The following EGLN3 variants were observed in gnomAD, a reference collection of about 807,000 sequenced individuals.
EGLN3 encodes the protein prolyl hydroxylase EGLN3.
Under a neutral mutation model 26.0 loss-of-function variants are expected in EGLN3, and 15 were observed. The ratio of observed to expected loss-of-function variants is 0.58; its 90% CI spans 0.39 to 0.89. The LOEUF (loss-of-function observed/expected upper bound fraction) is 0.89. Among genes scored for constraint, EGLN3 ranks in the 40% least tolerant of loss-of-function variants. The pLI is 0.00. For missense variants in EGLN3, 238 were observed against 311.6 expected (o/e 0.76, Z 1.78); for synonymous variants, 147 against 127.2 (o/e 1.16, Z -1.05).
At chr14:33,948,780 T>C (rs559781518) in intron 1 of EGLN3, 3 of 152,298 alleles carry the variant, frequency 2.0e-5, no homozygotes, top group South Asian at 2.1e-4. Context: ...CCTAGAATGA[T>C]GAAGAAAAAC....
chr14:33,947,642 A>T (rs1283710779), intron 1 of EGLN3, among the ~76,000 whole-genome samples: 1 of 152,236 alleles, frequency 6.6e-6, no homozygotes, highest in Non-Finnish European at 1.5e-5. Flanking sequence ...AGCTAAAAAA[A>T]ATTGGTCTAA....
chr14:33,951,063 G>C lies in EGLN3; in HGVS notation c.-311C>G, dbSNP rs1242660594. On this transcript the variant is annotated 5_prime_UTR_variant, in exon 1 of 5. Coordinates refer to ENST00000250457, the MANE Select transcript of EGLN3 (RefSeq NM_022073.4). ...GGGGATGGGAAGCCACCACTGCCGC[G>C]ACTGCGGCCAGACTCCGGGAGACGC... 1 of 331,008 alleles carries C rather than the reference G, an allele frequency of 3.0e-6. No homozygotes were observed. The highest frequency in any genetic ancestry group is 5.4e-5 in the East Asian group (1 of 18,644). 20.5% of individuals were successfully genotyped at this position (331,008 alleles called of 1,614,324 possible).
intron 1 of EGLN3, among the ~76,000 whole-genome samples, chr14:33,944,963 T>C (rs1680689): frequency 0.55 from 84,208 of 152,126 alleles, 23,463 homozygotes; most frequent in Non-Finnish European, 0.58. Flanking sequence ...CTCCTGCCTT[T>C]TTTGTTTCCA....
At chr14:33,937,634 T>G (rs1445616908) in intron 1 of EGLN3, among the ~76,000 whole-genome samples, 1 of 152,184 alleles carries the variant, frequency 6.6e-6, no homozygotes, top group African/African-American at 2.4e-5. Flanking sequence ...AAATTATTCA[T>G]GAAAATGTTT....
chr14:33,949,425 T>G (rs2064540546), intron 1 of EGLN3: 1 of 152,236 alleles, frequency 6.6e-6, no homozygotes. Context: ...CTTCGCTGTT[T>G]CAGTAAAAGT....
intron 1 of EGLN3, among the ~76,000 whole-genome samples, chr14:33,935,958 C>A (rs781476929): frequency 9.9e-5 from 15 of 152,048 alleles, no homozygotes; most frequent in Admixed American, 3.9e-4. Context: ...GGGGGCTGGG[C>A]GCGGTGGCTC....
intron 1 of EGLN3, among the ~76,000 whole-genome samples, chr14:33,943,820 G>A (rs1295503377): frequency 1.3e-5 from 2 of 152,144 alleles, no homozygotes; most frequent in East Asian, 3.8e-4. Context: ...ATAAAATGGA[G>A]GGCTGTTTGT....
chr14:33,950,707 G>A lies in EGLN3; in HGVS notation c.46C>T (p.Leu16=). Residue 16 remains leucine (L), a synonymous_variant, in exon 1 of 5, where the codon CTG becomes TTG. Coordinates refer to ENST00000250457, the MANE Select transcript of EGLN3 (RefSeq NM_022073.4). ...IMRLDLEKIA[L]EYIVPCLHEV... is the part of the protein sequence containing the mutation. ...TGCAGACAGGGCACGATGTACTCCA[G>A]GGCAATTTTCTCCAGGTCCAGCCTC... 1 of 1,613,998 alleles carries A rather than the reference G, an allele frequency of 6.2e-7. No individual in the cohort carries two copies. Among genetic ancestry groups the A allele is most frequent in the South Asian group, 1.1e-5 (1 of 91,068 alleles).
At chr14:33,935,966 C>A (rs2064439421) in intron 1 of EGLN3, among the ~76,000 whole-genome samples, 1 of 152,126 alleles carries the variant, frequency 6.6e-6, no homozygotes, top group African/African-American at 2.4e-5. Flanking sequence ...GGCGCGGTGG[C>A]TCACGCCTGT....
At chr14:33,948,604 C>T (rs980237437) in intron 1 of EGLN3, 11 of 152,184 alleles carry the variant, frequency 7.2e-5, no homozygotes, top group African/African-American at 2.2e-4. Context: ...CTTTCTTTCC[C>T]TTACCCTAAC....
At chr14:33,947,719 T>C (rs988240037) in intron 1 of EGLN3, among the ~76,000 whole-genome samples, 2 of 152,176 alleles carry the variant, frequency 1.3e-5, no homozygotes, top group African/African-American at 4.8e-5. Context: ...GCCTCTTATG[T>C]TTATGTATGT....
chr14:33,946,438 T>A (rs2064519065), intron 1 of EGLN3, among the ~76,000 whole-genome samples: 1 of 152,128 alleles, frequency 6.6e-6, no homozygotes, highest in South Asian at 2.1e-4. Flanking sequence ...ATTTTTTTCT[T>A]CAAATGTACT....
intron 1 of EGLN3, among the ~76,000 whole-genome samples, chr14:33,940,640 G>A (rs185718758): frequency 9.2e-5 from 14 of 152,132 alleles, no homozygotes; most frequent in African/African-American, 3.4e-4. Flanking sequence ...TAATGGTGAT[G>A]CCTCTTATCC....
intron 1 of EGLN3, among the ~76,000 whole-genome samples, chr14:33,932,280 G>A (rs751776204): frequency 4.6e-5 from 7 of 152,094 alleles, no homozygotes; most frequent in African/African-American, 7.2e-5. Context: ...ATGAACTAGC[G>A]AATGGCTCTT....
chr14:33,947,770 G>A (rs1378955405), intron 1 of EGLN3, among the ~76,000 whole-genome samples: 2 of 152,140 alleles, frequency 1.3e-5, no homozygotes, highest in Admixed American at 6.5e-5. Context: ...TAAATTTAAG[G>A]GCCGGGCACA....
intron 4 of EGLN3, 133 bp from the exon 5 acceptor site, chr14:33,926,055 A>G (rs1480726154): frequency 6.2e-6 from 5 of 808,392 alleles, no homozygotes; most frequent in African/African-American, 1.7e-5. Context: ...GAGCTCTGCC[A>G]AAGGATTCTC....
intron 1 of EGLN3, among the ~76,000 whole-genome samples, chr14:33,935,611 AC>A: frequency 7.1e-6 from 1 of 141,552 alleles, no homozygotes; most frequent in South Asian, 2.2e-4. Flanking sequence ...ACACACACAC[AC>A]ACACACACAT....
intron 1 of EGLN3, among the ~76,000 whole-genome samples, chr14:33,943,823 C>T (rs571234108): frequency 1.3e-5 from 2 of 152,136 alleles, no homozygotes; most frequent in Non-Finnish European, 2.9e-5. Context: ...AAATGGAGGG[C>T]TGTTTGTTAC....
At chr14:33,934,702 C>G (rs1363354968) in intron 1 of EGLN3, among the ~76,000 whole-genome samples, 2 of 152,202 alleles carry the variant, frequency 1.3e-5, no homozygotes, top group Non-Finnish European at 2.9e-5. Context: ...CCTGCCGTTA[C>G]CACTTCTCTG....
Sources: gnomAD v4.1 joint callset for allele counts (sites outside exome capture counted in the v4.1 genomes callset) on GRCh38, gnomAD v4.1.1 for gene constraint, MANE v1.5 for transcripts, NCBI Gene and HGNC (gene_info 2026-07-23, HGNC 2026-07-21) for gene names.